Variants in GPC5 observed in about 807,000 individuals in gnomAD.
The protein encoded by GPC5 is glypican 5.
A neutral mutation model predicts 53.9 loss-of-function variants in GPC5; 47 were observed. That is an observed-to-expected ratio of 0.87 (90% CI 0.69 to 1.11). GPC5 has a LOEUF of 1.11. GPC5 is among the 50% of genes most tolerant of loss of function. The pLI is 0.00. For synonymous variants in GPC5, 286 were observed against 263.3 expected (o/e 1.09, Z -0.84); for missense variants, 748 against 713.1 (o/e 1.05, Z -0.56).
chr13:92,140,146 G>A (rs964944856), intron 6 of GPC5, among the ~76,000 whole-genome samples: 2 of 152,100 alleles, frequency 1.3e-5, no homozygotes, highest in African/African-American at 4.8e-5. Flanking sequence ...AAAATGAAAG[G>A]GTGTATTCTA....
chr13:92,812,231 AACTTG>A (rs1305266182), intron 7 of GPC5, among the ~76,000 whole-genome samples: 1 of 151,940 alleles, frequency 6.6e-6, no homozygotes, highest in Non-Finnish European at 1.5e-5. Context: ...GTTTTCTTTT[AACTTG>A]TATATATCTT....
intron 7 of GPC5, among the ~76,000 whole-genome samples, chr13:92,540,150 C>A (rs751422324): frequency 6.6e-6 from 1 of 151,740 alleles, no homozygotes; most frequent in Non-Finnish European, 1.5e-5. Context: ...TAAAATAAAC[C>A]AAAAAATCTC....
At chr13:91,960,067 C>T (rs1042697677) in intron 6 of GPC5, among the ~76,000 whole-genome samples, 4 of 151,806 alleles carry the variant, frequency 2.6e-5, no homozygotes, top group African/African-American at 9.7e-5. Context: ...TACTGAAAAT[C>T]CTAGCCAGAG....
At chr13:92,623,275 G>C (rs1226384026) in intron 7 of GPC5, among the ~76,000 whole-genome samples, 1 of 152,186 alleles carries the variant, frequency 6.6e-6, no homozygotes, top group Non-Finnish European at 1.5e-5. Flanking sequence ...GAGTGAAGTG[G>C]TTGCACGGCT....
intron 7 of GPC5, among the ~76,000 whole-genome samples, chr13:92,347,864 T>TA (rs1491202059): frequency 4.7e-4 from 4 of 8,484 alleles, no homozygotes; most frequent in African/African-American, 2.6e-3. Context: ...CATATATATA[T>TA]TATATATATA....
At chr13:92,384,790 G>C (rs549503072) in intron 7 of GPC5, among the ~76,000 whole-genome samples, 9 of 152,086 alleles carry the variant, frequency 5.9e-5, no homozygotes, top group Non-Finnish European at 1.3e-4. Flanking sequence ...TCTTTCACCC[G>C]TGTGCCATTG....
At chr13:92,684,316 G>A (rs955543187) in intron 7 of GPC5, among the ~76,000 whole-genome samples, 1 of 151,540 alleles carries the variant, frequency 6.6e-6, no homozygotes, top group African/African-American at 2.4e-5. Flanking sequence ...TGTCACCCAG[G>A]GTGGAGCGCA....
At chr13:91,608,107 A>G (rs896773945) in intron 2 of GPC5, among the ~76,000 whole-genome samples, 4 of 152,190 alleles carry the variant, frequency 2.6e-5, no homozygotes, top group Admixed American at 1.3e-4. Context: ...ATAATAAACC[A>G]TTATAAAACA....
intron 7 of GPC5, among the ~76,000 whole-genome samples, chr13:92,149,566 G>A (rs777530846): frequency 5.3e-5 from 8 of 151,960 alleles, no homozygotes; most frequent in Non-Finnish European, 8.8e-5. Flanking sequence ...CCATGTCAGC[G>A]TACTAAGAAT....
chr13:92,280,537 C>T (rs915655463), intron 7 of GPC5, among the ~76,000 whole-genome samples: 1 of 152,068 alleles, frequency 6.6e-6, no homozygotes, highest in Non-Finnish European at 1.5e-5. Flanking sequence ...CCATAAGTTT[C>T]GTTATGTTGT....
chr13:92,024,121 T>C (rs1409259658), intron 6 of GPC5, among the ~76,000 whole-genome samples: 1 of 152,168 alleles, frequency 6.6e-6, no homozygotes, highest in African/African-American at 2.4e-5. Flanking sequence ...TGGTGCCTAA[T>C]ATATTAATGA....
chr13:92,434,572 G>T (rs532647952), intron 7 of GPC5, among the ~76,000 whole-genome samples: 6 of 152,064 alleles, frequency 3.9e-5, no homozygotes, highest in Non-Finnish European at 7.4e-5. Flanking sequence ...ATTACATCTC[G>T]TGATATCAGG....
intron 5 of GPC5, among the ~76,000 whole-genome samples, chr13:91,818,072 G>A (rs1357522023): frequency 6.6e-6 from 1 of 152,062 alleles, no homozygotes; most frequent in Non-Finnish European, 1.5e-5. Flanking sequence ...TAAATTGTTG[G>A]GATAAATTGT....
intron 7 of GPC5, among the ~76,000 whole-genome samples, chr13:92,821,850 T>C (rs2138810788): frequency 6.6e-6 from 1 of 152,218 alleles, no homozygotes. Flanking sequence ...AACAAAAGTT[T>C]AGAAATGAGC....
chr13:92,438,636 G>A (rs576929731), intron 7 of GPC5, among the ~76,000 whole-genome samples: 6 of 152,146 alleles, frequency 3.9e-5, no homozygotes, highest in African/African-American at 9.6e-5. Flanking sequence ...GAACTTGAGC[G>A]AGTGAGACCA....
At chr13:92,673,180 T>A (rs567644723) in intron 7 of GPC5, among the ~76,000 whole-genome samples, 1 of 152,194 alleles carries the variant, frequency 6.6e-6, no homozygotes, top group Non-Finnish European at 1.5e-5. Context: ...AATGCAAGAT[T>A]TTAGCAGAGT....
rs1194376579 is a variant in GPC5 at position 91,853,772 on chromosome 13, T to A, written c.1281-54165T>A. Among the ~76,000 whole-genome samples the A allele has an allele frequency of 2.0e-5, 3 of 151,944 alleles. No individual in the cohort carries two copies. In the East Asian group the frequency reaches 5.8e-4, roughly 29 times the overall value. On this transcript the variant is annotated intron_variant, in intron 5 of 7. Coordinates refer to ENST00000377067, the MANE Select transcript of GPC5 (RefSeq NM_004466.6). ...AGTCATGTTACAATAAAAAATAAAG[T>A]CATTCAAGAAATTTATACTAGAGAT...
At chr13:92,852,941 A>G (rs1457245528) in intron 7 of GPC5, among the ~76,000 whole-genome samples, 1 of 152,218 alleles carries the variant, frequency 6.6e-6, no homozygotes, top group Non-Finnish European at 1.5e-5. Context: ...GCTGACAAAC[A>G]TAGGTTCCCT....
chr13:92,842,378 T>A (rs1485584083), intron 7 of GPC5, among the ~76,000 whole-genome samples: 1 of 152,112 alleles, frequency 6.6e-6, no homozygotes, highest in Non-Finnish European at 1.5e-5. Context: ...ATAGTCCAGA[T>A]GAATGCTACA....
Sources: allele counts gnomAD v4.1 joint callset (sites outside exome capture counted in the v4.1 genomes callset), GRCh38; gene constraint gnomAD v4.1.1; transcripts MANE v1.5; gene names NCBI Gene and HGNC (gene_info 2026-07-23, HGNC 2026-07-21).